GREB1L: variants seen among roughly 807,000 people sequenced by gnomAD.
The protein encoded by GREB1L is GREB1 like retinoic acid receptor coactivator.
In GREB1L, 17 loss-of-function variants were observed where a neutral mutation model predicts 200.8. That is an observed-to-expected ratio of 0.08 (90% CI 0.06 to 0.13). The LOEUF is 0.13. Ranked by LOEUF, GREB1L falls within the 10% of genes least tolerant of loss-of-function variation. GREB1L has a pLI of 1.00. For missense variants in GREB1L, 1,657 were observed against 2,367.7 expected (o/e 0.70, Z 6.23); for synonymous variants, 789 against 893.0 (o/e 0.88, Z 2.08).
chr18:21,357,136 C>T (rs1036211293), intron 1 of GREB1L, among the ~76,000 whole-genome samples: 3 of 152,064 alleles, frequency 2.0e-5, no homozygotes, highest in African/African-American at 4.8e-5. Flanking sequence ...CTCACTGCAA[C>T]GTCTGCCTCC....
chr18:21,310,938 G>A (rs1298138559), intron 1 of GREB1L, among the ~76,000 whole-genome samples: 1 of 152,204 alleles, frequency 6.6e-6, no homozygotes, highest in Non-Finnish European at 1.5e-5. Flanking sequence ...TATTGTAGAG[G>A]ATGAAGTCTT....
chr18:21,387,065 G>T (rs2144143297), intron 4 of GREB1L, among the ~76,000 whole-genome samples: 1 of 152,318 alleles, frequency 6.6e-6, no homozygotes, highest in Non-Finnish European at 1.5e-5. Context: ...TTACCATTCA[G>T]ATGTAAATTT....
intron 1 of GREB1L, among the ~76,000 whole-genome samples, chr18:21,287,775 A>C (rs1168517322): frequency 6.6e-6 from 1 of 151,778 alleles, no homozygotes; most frequent in African/African-American, 2.4e-5. Context: ...ACCTATCTGC[A>C]TGAAATAAGT....
At chr18:21,310,178 T>C (rs988480878) in intron 1 of GREB1L, among the ~76,000 whole-genome samples, 1 of 152,234 alleles carries the variant, frequency 6.6e-6, no homozygotes, top group Admixed American at 6.5e-5. Flanking sequence ...CCATGTATCC[T>C]GTCTAAATAC....
At chr18:21,483,230 A>G (rs1208805359) in intron 17 of GREB1L, among the ~76,000 whole-genome samples, 2 of 152,228 alleles carry the variant, frequency 1.3e-5, no homozygotes, top group Non-Finnish European at 2.9e-5. Context: ...GAAGAGCAGC[A>G]GGCTCGGAAT....
intron 7 of GREB1L, among the ~76,000 whole-genome samples, chr18:21,417,335 G>A (rs1285228363): frequency 6.6e-6 from 1 of 151,752 alleles, no homozygotes; most frequent in Non-Finnish European, 1.5e-5. Context: ...CAGGCTGGCC[G>A]ACATGGTGAA....
intron 15 of GREB1L, among the ~76,000 whole-genome samples, chr18:21,462,640 G>A (rs2035093311): frequency 1.3e-5 from 2 of 152,100 alleles, no homozygotes; most frequent in Non-Finnish European, 2.9e-5. Context: ...GGTAGAGACG[G>A]GGTTTCGCCA....
At chr18:21,367,639 A>G (rs1386697651) in intron 2 of GREB1L, among the ~76,000 whole-genome samples, 1 of 152,218 alleles carries the variant, frequency 6.6e-6, no homozygotes, top group Non-Finnish European at 1.5e-5. Flanking sequence ...CTTACGAGGA[A>G]AATGGGTGGT....
chr18:21,341,950 G>C (rs1598674508), intron 1 of GREB1L, among the ~76,000 whole-genome samples: 1 of 152,084 alleles, frequency 6.6e-6, no homozygotes, highest in East Asian at 1.9e-4. Context: ...TGGTGGTGAG[G>C]GGCCATTGTT....
chr18:21,423,885 G>C (rs184768285), intron 7 of GREB1L, among the ~76,000 whole-genome samples: 37 of 152,156 alleles, frequency 2.4e-4, no homozygotes, highest in Admixed American at 2.4e-3. Flanking sequence ...AGGCTCGGGA[G>C]GCTGGGACAT....
At chr18:21,458,717 A>C (rs1419891823) in intron 15 of GREB1L, among the ~76,000 whole-genome samples, 1 of 151,944 alleles carries the variant, frequency 6.6e-6, no homozygotes, top group Non-Finnish European at 1.5e-5. Flanking sequence ...TTGAAGGTTA[A>C]AAAAAAAGAA....
intron 1 of GREB1L, among the ~76,000 whole-genome samples, chr18:21,275,160 A>AC (rs2144339322): frequency 6.6e-6 from 1 of 151,946 alleles, no homozygotes; most frequent in East Asian, 2.0e-4. Context: ...GAATAGCTTG[A>AC]ACCCAGGAGG....
intron 1 of GREB1L, among the ~76,000 whole-genome samples, chr18:21,301,792 C>T (rs915510578): frequency 1.3e-5 from 2 of 152,210 alleles, no homozygotes; most frequent in Non-Finnish European, 2.9e-5. Context: ...ATTTATTCAG[C>T]TCAGCTCAAA....
At chr18:21,306,230 G>T (rs1164961847) in intron 1 of GREB1L, among the ~76,000 whole-genome samples, 1 of 152,158 alleles carries the variant, frequency 6.6e-6, no homozygotes, top group Non-Finnish European at 1.5e-5. Context: ...CATGTTTATG[G>T]TTGAATTAGT....
At chr18:21,296,986 A>T (rs1023122116) in intron 1 of GREB1L, among the ~76,000 whole-genome samples, 1 of 152,052 alleles carries the variant, frequency 6.6e-6, no homozygotes, top group Non-Finnish European at 1.5e-5. Context: ...GAGCATCAGG[A>T]TTTTTGAGTT....
In GREB1L at chr18:21,508,367, G is replaced by C. The variant is rs372676188; in HGVS notation, c.4531-20G>C. On this transcript the variant is annotated intron_variant, in intron 26 of 32. Transcript: ENST00000424526. ...AGGCTTTAATTTCCCTTTATGGTCT[G>C]TTTTTTTCCCTTTCAGCAGAATTTG... is the stretch of plus-strand genomic sequence containing the variant. 1 of 1,551,040 alleles carries C rather than the reference G, an allele frequency of 6.4e-7. No individual in the cohort carries two copies. Among genetic ancestry groups the C allele is most frequent in the Non-Finnish European group, 8.7e-7 (1 of 1,146,670 alleles).
rs2037577605 is a variant in GREB1L, at chr18:21,520,729, T to C, written c.5514T>C (p.Asn1838=). ...CYISSRPHSS[N]VNCEGVFFSG... is the part of the protein sequence containing the mutation. ...TCAGCTCCAGACCCCACTCCAGCAA[T>C]GTCAACTGTGAAGGGGTGTTTTTCA... Residue 1838 remains asparagine (N), a synonymous_variant, in exon 32 of 33, where the codon AAT becomes AAC. Coordinates refer to ENST00000424526, the MANE Select transcript of GREB1L (RefSeq NM_001142966.3). 1 of 1,551,468 alleles carries C rather than the reference T, an allele frequency of 6.4e-7. No homozygotes were observed. Among genetic ancestry groups the C allele is most frequent in the Admixed American group, 2.0e-5 (1 of 50,968 alleles).
intron 18 of GREB1L, among the ~76,000 whole-genome samples, chr18:21,489,637 A>G (rs773416490): frequency 1.1e-4 from 17 of 152,134 alleles, no homozygotes; most frequent in Admixed American, 6.5e-4. Flanking sequence ...CGTGCATGCA[A>G]TTCCCTGGGA....
Position 21,525,788 on chromosome 18 carries a change from C to CCAA in GREB1L, c.*2969_*2971dup, listed in dbSNP as rs1222698587. ...AATTATATCTTCTTAAAAAATTTTA[C>CCAA]CAACTTTTGAGAATAACAACTTTGT... On this transcript the variant is annotated 3_prime_UTR_variant, in exon 33 of 33. Transcript: ENST00000424526. Among the ~76,000 whole-genome samples the CCAA allele has an allele frequency of 1.3e-5, 2 of 152,142 alleles. No homozygotes were observed. Among genetic ancestry groups the CCAA allele is most frequent in the African/African-American group, 4.8e-5 (2 of 41,436 alleles).
Sources: allele counts gnomAD v4.1 joint callset (sites outside exome capture counted in the v4.1 genomes callset), GRCh38; gene constraint gnomAD v4.1.1; transcripts MANE v1.5; gene names NCBI Gene and HGNC (gene_info 2026-07-23, HGNC 2026-07-21).